The following MAF variants were observed in gnomAD, a reference collection of about 807,000 sequenced individuals.
MAF encodes the protein MAF bZIP transcription factor, also known as transcription factor Maf.
In MAF, 10 loss-of-function variants were observed where a neutral mutation model predicts 22.0. That is an observed-to-expected ratio of 0.45 (90% confidence interval 0.28 to 0.77). The LOEUF is 0.77. Ranked by LOEUF, MAF falls within the 30% of genes least tolerant of loss-of-function variation. The probability of loss-of-function intolerance (pLI) is 0.12; values close to 1 mark genes in which losing one functional copy is unlikely to be tolerated. For missense variants in MAF, 544 were observed against 548.4 expected (o/e 0.99, Z 0.08); for synonymous variants, 337 against 255.8 (o/e 1.32, Z -3.03).
the MAF span, among the ~76,000 whole-genome samples, chr16:79,477,930 G>C: frequency 2.0e-5 from 3 of 151,784 alleles, no homozygotes; most frequent in Admixed American, 6.6e-5. Flanking sequence ...CACTATGTTG[G>C]CCAGGCTGGT....
chr16:79,449,399 T>A, the MAF span, among the ~76,000 whole-genome samples: 4 of 152,206 alleles, frequency 2.6e-5, no homozygotes, highest in African/African-American at 7.2e-5. Context: ...ACTTAATTAC[T>A]GTATTTGCTT....
chr16:79,503,104 G>C, the MAF span, among the ~76,000 whole-genome samples: 1 of 152,068 alleles, frequency 6.6e-6, no homozygotes, highest in African/African-American at 2.4e-5. Context: ...TGCTAAGAAG[G>C]ACAGCTTGGT....
the MAF span, among the ~76,000 whole-genome samples, chr16:79,540,520 C>A: frequency 1.3e-5 from 2 of 152,154 alleles, no homozygotes; most frequent in African/African-American, 4.8e-5. Context: ...CTGGGTCCAT[C>A]ACAGGGGCTT....
At chr16:79,514,940 G>T in the MAF span, among the ~76,000 whole-genome samples, 2 of 152,144 alleles carry the variant, frequency 1.3e-5, no homozygotes, top group Admixed American at 1.3e-4. Flanking sequence ...GACTCTCTCT[G>T]GGCTCTGACT....
At chr16:79,339,138 C>T in the MAF span, among the ~76,000 whole-genome samples, 2 of 152,236 alleles carry the variant, frequency 1.3e-5, no homozygotes, top group African/African-American at 4.8e-5. Flanking sequence ...GGCACCATCT[C>T]GGCTCACTGC....
At chr16:79,582,087 G>C (rs1321326967), downstream of MAF, among the ~76,000 whole-genome samples, 1 of 152,094 alleles carries the variant, frequency 6.6e-6, no homozygotes, top group Non-Finnish European at 1.5e-5. Flanking sequence ...GCAAAATAGA[G>C]ACCGAAAACA....
the MAF span, among the ~76,000 whole-genome samples, chr16:79,389,873 G>C: frequency 6.6e-6 from 1 of 150,788 alleles, no homozygotes; most frequent in Admixed American, 6.6e-5. Context: ...CTACTAGGGA[G>C]GCTGAGGCAG....
At chr16:79,304,781 T>C in the MAF span, among the ~76,000 whole-genome samples, 1 of 152,186 alleles carries the variant, frequency 6.6e-6, no homozygotes, top group Non-Finnish European at 1.5e-5. Context: ...ATTATTGCTG[T>C]GTCCATTACA....
chr16:79,212,164 C>A, the MAF span: 17 of 1,494,344 alleles, frequency 1.1e-5, no homozygotes, highest in African/African-American at 4.2e-5. Flanking sequence ...GCTACCACCA[C>A]GGCCACCACT....
the MAF span, among the ~76,000 whole-genome samples, chr16:79,234,441 T>A: frequency 7.2e-5 from 11 of 152,288 alleles, no homozygotes; most frequent in South Asian, 2.3e-3. Context: ...TTTAGTAGCT[T>A]GTCTCATTAT....
chr16:79,229,096 C>G, the MAF span, among the ~76,000 whole-genome samples: 1 of 151,292 alleles, frequency 6.6e-6, no homozygotes, highest in African/African-American at 2.4e-5. Flanking sequence ...GTGATCCTGG[C>G]AAATCATGTG....
chr16:79,387,131 A>C, the MAF span, among the ~76,000 whole-genome samples: 1 of 152,198 alleles, frequency 6.6e-6, no homozygotes, highest in Non-Finnish European at 1.5e-5. Flanking sequence ...ATTCTCTGCT[A>C]AACCTTTCAG....
the MAF span, among the ~76,000 whole-genome samples, chr16:79,568,859 G>A: frequency 2.6e-5 from 4 of 152,120 alleles, no homozygotes; most frequent in African/African-American, 9.7e-5. Flanking sequence ...ACTTCTAGGG[G>A]CTTTACGTAG....
At chr16:79,212,765 C>CTAATATAAAGCGCTTG in the MAF span, 1 of 151,944 alleles carries the variant, frequency 6.6e-6, no homozygotes, top group Admixed American at 6.6e-5. Context: ...TAAAGCGCTT[C>CTAATATAAAGCGCTTG]TAATAAAGCG....
the MAF span, among the ~76,000 whole-genome samples, chr16:79,395,720 G>T: frequency 6.6e-6 from 1 of 152,222 alleles, no homozygotes; most frequent in Admixed American, 6.5e-5. Context: ...AACACAACTT[G>T]ATTTTGGACT....
the MAF span, among the ~76,000 whole-genome samples, chr16:79,337,329 T>A: frequency 0.023 from 3,567 of 152,200 alleles, 166 homozygotes; most frequent in East Asian, 0.19. Flanking sequence ...TCCAGCACTT[T>A]GCGAGGCCGA....
chr16:79,414,933 G>T, the MAF span, among the ~76,000 whole-genome samples: 1 of 152,308 alleles, frequency 6.6e-6, no homozygotes, highest in African/African-American at 2.4e-5. Context: ...GTCATAGGGT[G>T]TCCCCAATCA....
At chr16:79,499,928 G>A in the MAF span, among the ~76,000 whole-genome samples, 1 of 152,188 alleles carries the variant, frequency 6.6e-6, no homozygotes, top group Non-Finnish European at 1.5e-5. Context: ...GATTATTCTG[G>A]TTGACCATAA....
the MAF span, among the ~76,000 whole-genome samples, chr16:79,266,387 C>T: frequency 3.1e-4 from 47 of 152,276 alleles, no homozygotes; most frequent in Admixed American, 1.3e-3. Flanking sequence ...TGAATCCAAG[C>T]CTTTAATAGA....
Sources: allele counts gnomAD v4.1 joint callset (sites outside exome capture counted in the v4.1 genomes callset), GRCh38; gene constraint gnomAD v4.1.1; transcripts MANE v1.5; gene names NCBI Gene and HGNC (gene_info 2026-07-23, HGNC 2026-07-21).